SMYD3: variants seen among roughly 807,000 people sequenced by gnomAD.
The protein encoded by SMYD3 is histone-lysine N-methyltransferase SMYD3.
In SMYD3, 36 loss-of-function variants were observed where a neutral mutation model predicts 57.7. That is an observed-to-expected ratio of 0.62 (90% CI 0.48 to 0.82). SMYD3 has a LOEUF of 0.82. Ranked by LOEUF, SMYD3 falls within the 40% of genes least tolerant of loss-of-function variation. The pLI is 0.00. For synonymous variants in SMYD3, 211 were observed against 195.0 expected, an observed-to-expected ratio of 1.08 and a Z score of -0.68; for missense variants, 515 against 538.8, an observed-to-expected ratio of 0.96 and a Z score of 0.44.
At chr1:246,253,781 G>A (rs923998452) in intron 5 of SMYD3, among the ~76,000 whole-genome samples, 3 of 152,146 alleles carry the variant, frequency 2.0e-5, no homozygotes, top group Non-Finnish European at 2.9e-5. Context: ...GCATAGAAAC[G>A]CTATTGATTT....
chr1:245,885,520 A>AC (rs2148564289), intron 8 of SMYD3, among the ~76,000 whole-genome samples: 1 of 152,322 alleles, frequency 6.6e-6, no homozygotes, highest in African/African-American at 2.4e-5. Flanking sequence ...CTTACCGAGG[A>AC]CTTCCTTACC....
intron 5 of SMYD3, among the ~76,000 whole-genome samples, chr1:246,243,061 A>T (rs2063642645): frequency 6.6e-6 from 1 of 152,184 alleles, no homozygotes; most frequent in Non-Finnish European, 1.5e-5. Flanking sequence ...GAAAGTTAAC[A>T]AACATATCCA....
chr1:246,161,839 T>C (rs2062125665), intron 5 of SMYD3, among the ~76,000 whole-genome samples: 1 of 152,188 alleles, frequency 6.6e-6, no homozygotes, highest in African/African-American at 2.4e-5. Flanking sequence ...CAGACCTTCA[T>C]ATGACTCTTC....
intron 8 of SMYD3, among the ~76,000 whole-genome samples, chr1:245,877,518 C>A (rs1344624354): frequency 6.6e-6 from 1 of 152,172 alleles, no homozygotes; most frequent in Non-Finnish European, 1.5e-5. Flanking sequence ...GATGTTTCAA[C>A]AATCCAGAAA....
At chr1:246,168,876 A>G (rs563612285) in intron 5 of SMYD3, among the ~76,000 whole-genome samples, 1 of 152,166 alleles carries the variant, frequency 6.6e-6, no homozygotes, top group South Asian at 2.1e-4. Flanking sequence ...TACAGTGTCC[A>G]TGTACAAAGG....
chr1:245,889,289 T>C (rs1209434544), intron 8 of SMYD3, among the ~76,000 whole-genome samples: 4 of 152,242 alleles, frequency 2.6e-5, no homozygotes, highest in African/African-American at 7.2e-5. Flanking sequence ...CATGGCACCA[T>C]GTTCTCTTAA....
chr1:245,915,678 G>T, intron 7 of SMYD3, 38 bp from the exon 8 acceptor site: 1 of 1,301,972 alleles, frequency 7.7e-7, no homozygotes, highest in Non-Finnish European at 1.1e-6. Flanking sequence ...TGAAACATCT[G>T]CTGTGCTCAT....
At chr1:246,125,287 G>A (rs1260862874) in intron 5 of SMYD3, among the ~76,000 whole-genome samples, 1 of 152,136 alleles carries the variant, frequency 6.6e-6, no homozygotes, top group Non-Finnish European at 1.5e-5. Flanking sequence ...TACTATTTAA[G>A]TCATCAGAAT....
chr1:246,125,620 G>A (rs886857411), intron 5 of SMYD3, among the ~76,000 whole-genome samples: 3 of 152,100 alleles, frequency 2.0e-5, no homozygotes, highest in African/African-American at 7.2e-5. Context: ...CACGATTTAT[G>A]AGCTCGAAGG....
At chr1:246,182,237 T>A (rs1300664524) in intron 5 of SMYD3, among the ~76,000 whole-genome samples, 6 of 152,164 alleles carry the variant, frequency 3.9e-5, no homozygotes, top group Non-Finnish European at 7.3e-5. Context: ...AACACTCTTA[T>A]CAGTTCCCCA....
At chr1:246,059,941 G>T (rs1030655217) in intron 5 of SMYD3, among the ~76,000 whole-genome samples, 1 of 152,110 alleles carries the variant, frequency 6.6e-6, no homozygotes. Flanking sequence ...TTTCAAATTC[G>T]ACAGTGTTGA....
rs1347736994 is a variant in SMYD3 at position 246,363,251 on chromosome 1, G to C, written c.165-8157C>G. ...CAGCCACCCCGTCCGGGAGGGAGGT[G>C]GGGGTTAGCCCCCGCCAGGCCAGCC... On this transcript the variant is annotated intron_variant, in intron 1 of 11. Coordinates refer to ENST00000490107, the MANE Select transcript of SMYD3 (RefSeq NM_001167740.2). Among the ~76,000 whole-genome samples, 25 of 151,020 alleles carry C rather than the reference G, an allele frequency of 1.7e-4. 1 individual carries two copies.
At chr1:246,159,238 C>A (rs564630039) in intron 5 of SMYD3, among the ~76,000 whole-genome samples, 14 of 152,290 alleles carry the variant, frequency 9.2e-5, no homozygotes, top group African/African-American at 3.4e-4. Flanking sequence ...GAAAGGGTCC[C>A]TTTTCTCACT....
rs1272649940 is a variant in SMYD3, at chr1:245,749,604, G to A, written c.1246C>T (p.Leu416=). 2 of 1,614,132 alleles carry A rather than the reference G, an allele frequency of 1.2e-6. No homozygotes were observed. Among genetic ancestry groups the A allele is most frequent in the African/African-American group, 1.3e-5 (1 of 75,034 alleles). ...REHSLIEDLI[L]LLEECDANIR... ...TTGGCGTCGCATTCTTCTAAAAGTA[G>A]AATCAAATCTTCAATCAGGCTGTGT... Residue 416 remains leucine (L), a synonymous_variant, in exon 12 of 12, where the codon CTA becomes TTA. Transcript: ENST00000490107.
At chr1:245,816,855 C>G (rs534116461) in intron 10 of SMYD3, among the ~76,000 whole-genome samples, 2 of 151,978 alleles carry the variant, frequency 1.3e-5, no homozygotes, top group African/African-American at 4.8e-5. Context: ...TAAAAAACGG[C>G]GCACCACGAG....
intron 5 of SMYD3, among the ~76,000 whole-genome samples, chr1:246,045,885 C>A (rs1162142860): frequency 1.3e-5 from 2 of 152,208 alleles, no homozygotes; most frequent in Non-Finnish European, 2.9e-5. Context: ...TGCTCATCAC[C>A]ACTGGCCATC....
chr1:246,147,390 A>C (rs2061866392), intron 5 of SMYD3, among the ~76,000 whole-genome samples: 1 of 152,142 alleles, frequency 6.6e-6, no homozygotes, highest in Non-Finnish European at 1.5e-5. Flanking sequence ...AGCCCCCATG[A>C]AGAGTATGCC....
intron 10 of SMYD3, among the ~76,000 whole-genome samples, chr1:245,855,424 T>C (rs2051191974): frequency 6.6e-6 from 1 of 152,162 alleles, no homozygotes. Context: ...CCATCTTTAA[T>C]AGGAAAATGC....
chr1:246,413,181 T>C (rs2067004771), intron 1 of SMYD3, among the ~76,000 whole-genome samples: 1 of 152,212 alleles, frequency 6.6e-6, no homozygotes, highest in South Asian at 2.1e-4. Flanking sequence ...TTAGTCTTTA[T>C]AATAACCCTA....
Sources: allele counts gnomAD v4.1 joint callset (sites outside exome capture counted in the v4.1 genomes callset), GRCh38; gene constraint gnomAD v4.1.1; transcripts MANE v1.5; gene names NCBI Gene and HGNC (gene_info 2026-07-23, HGNC 2026-07-21).